Variants in STK3 observed in about 807,000 individuals in gnomAD.
STK3 encodes serine/threonine kinase 3, also known as serine/threonine-protein kinase 3.
STK3 carries 41 observed loss-of-function variants against 58.0 expected under a neutral mutation model. The observed-to-expected ratio is 0.71, with a 90% CI of 0.55 to 0.92. The LOEUF (loss-of-function observed/expected upper bound fraction) is 0.92, where lower values mean the gene tolerates loss of function less well. STK3 is among the 40% of genes least tolerant of loss of function. STK3 has a pLI of 0.00. For missense variants in STK3, 479 were observed against 602.7 expected, an observed-to-expected ratio of 0.79 and a Z score of 2.15; for synonymous variants, 170 against 191.0, an observed-to-expected ratio of 0.89 and a Z score of 0.91.
At chr8:98,835,790 T>C (rs1451904598) in intron 3 of STK3, among the ~76,000 whole-genome samples, 3 of 152,188 alleles carry the variant, frequency 2.0e-5, no homozygotes, top group Admixed American at 1.3e-4. Flanking sequence ...ATCTCAATCC[T>C]GGGGGGCCTC....
intron 10 of STK3, among the ~76,000 whole-genome samples, chr8:98,484,398 C>T (rs1258090244): frequency 2.0e-5 from 3 of 151,828 alleles, no homozygotes; most frequent in African/African-American, 7.3e-5. Context: ...CAAACAATAC[C>T]AATATAAAAA....
At chr8:98,771,575 T>C (rs1831318305) in intron 2 of STK3, among the ~76,000 whole-genome samples, 1 of 152,158 alleles carries the variant, frequency 6.6e-6, no homozygotes. Flanking sequence ...ACGTATCTTT[T>C]TTTTTTTGAG....
rs182680642 is a variant in STK3 at position 98,694,954 on chromosome 8, T to G, written c.684+11513A>C. On this transcript the variant is annotated intron_variant, in intron 6 of 10. Transcript: ENST00000419617. ...GACTTCCACAATGGTTGAACTAGTTTACAGTCCCATCAACAGTGCAAAAGT... is the reference window on the plus strand; with the variant it reads ...GACTTCCACAATGGTTGAACTAGTTGACAGTCCCATCAACAGTGCAAAAGT... 4.3e-4 allele frequency among the ~76,000 whole-genome samples: 65 copies of G among 152,346 alleles called. No individual in the cohort carries two copies. In the Middle Eastern group the frequency reaches 0.01, roughly 24 times the overall value.
intron 3 of STK3, among the ~76,000 whole-genome samples, chr8:98,851,810 T>C (rs928047225): frequency 1.3e-5 from 2 of 152,124 alleles, no homozygotes; most frequent in African/African-American, 4.8e-5. Flanking sequence ...TGAAGATACC[T>C]TGTCTTTACA....
At chr8:98,524,228 G>A (rs1825588380) in intron 10 of STK3, among the ~76,000 whole-genome samples, 3 of 152,208 alleles carry the variant, frequency 2.0e-5, no homozygotes, top group Non-Finnish European at 4.4e-5. Context: ...CTTTCTGACA[G>A]TACCACACTG....
At chr8:98,489,316 A>G (rs1306708813) in intron 10 of STK3, among the ~76,000 whole-genome samples, 1 of 152,150 alleles carries the variant, frequency 6.6e-6, no homozygotes, top group Non-Finnish European at 1.5e-5. Context: ...CATGTTCTCT[A>G]CATGCCTTCC....
At chr8:98,425,880 G>C (rs945096442) in intron 3 of STK3, among the ~76,000 whole-genome samples, 1 of 152,306 alleles carries the variant, frequency 6.6e-6, no homozygotes, top group African/African-American at 2.4e-5. Context: ...ACTTCTGACC[G>C]AGACATGTAG....
intron 3 of STK3, among the ~76,000 whole-genome samples, chr8:98,847,440 C>T (rs997729243): frequency 2.0e-5 from 3 of 152,142 alleles, no homozygotes; most frequent in South Asian, 2.1e-4. Flanking sequence ...ATTTTGAACC[C>T]GAACCCACAG....
chr8:98,528,470 G>C (rs981119499), intron 9 of STK3, among the ~76,000 whole-genome samples: 3 of 151,974 alleles, frequency 2.0e-5, no homozygotes, highest in Non-Finnish European at 2.9e-5. Context: ...CAAATAGAAA[G>C]TAAGCTACTT....
At chr8:98,637,043 A>G (rs1158713171) in intron 6 of STK3, among the ~76,000 whole-genome samples, 2 of 150,896 alleles carry the variant, frequency 1.3e-5, no homozygotes, top group Admixed American at 1.3e-4. Context: ...CTTAATATAC[A>G]TCATTTGTAA....
At chr8:98,636,637 A>G (rs1233462154) in intron 6 of STK3, among the ~76,000 whole-genome samples, 1 of 152,186 alleles carries the variant, frequency 6.6e-6, no homozygotes, top group Non-Finnish European at 1.5e-5. Context: ...TAGTTATTGT[A>G]CTGGCAGTGT....
At chr8:98,904,996 G>A (rs1838833832) in intron 1 of STK3, 1 of 757,852 alleles carries the variant, frequency 1.3e-6, no homozygotes, top group Non-Finnish European at 2.4e-6. Context: ...ACCCAGTATC[G>A]CTTATAGTAG....
chr8:98,542,246 T>C (rs1030171519), intron 9 of STK3, among the ~76,000 whole-genome samples: 1 of 152,204 alleles, frequency 6.6e-6, no homozygotes, highest in Admixed American at 6.5e-5. Flanking sequence ...AATGTACTTT[T>C]ATACTTCCAT....
chr8:98,652,187 A>G (rs1356840713), intron 6 of STK3, among the ~76,000 whole-genome samples: 3 of 152,244 alleles, frequency 2.0e-5, no homozygotes, highest in Non-Finnish European at 4.4e-5. Flanking sequence ...CAAGATTATT[A>G]AAGAAAAGAA....
intron 3 of STK3, among the ~76,000 whole-genome samples, chr8:98,869,425 A>C (rs377151338): frequency 6.6e-6 from 1 of 152,176 alleles, no homozygotes; most frequent in East Asian, 1.9e-4. Flanking sequence ...TGTCTCAAAA[A>C]ATAAATAAAT....
At chr8:98,522,677 G>A (rs997871508) in intron 10 of STK3, among the ~76,000 whole-genome samples, 1 of 152,050 alleles carries the variant, frequency 6.6e-6, no homozygotes, top group Non-Finnish European at 1.5e-5. Flanking sequence ...CTTGCAAAAC[G>A]GAAACTCTGT....
At chr8:98,694,863 C>A (rs1039688874) in intron 6 of STK3, among the ~76,000 whole-genome samples, 3 of 152,174 alleles carry the variant, frequency 2.0e-5, no homozygotes, top group African/African-American at 7.2e-5. Flanking sequence ...TGGGTATATA[C>A]CCAGTAATGG....
intron 8 of STK3, 76 bp downstream of exon 8, chr8:98,579,587 CT>C: frequency 6.7e-7 from 1 of 1,502,254 alleles, no homozygotes; most frequent in Non-Finnish European, 9.0e-7. Context: ...ACAGTAAGTG[CT>C]TTTAATATAT....
At chr8:98,792,523 C>G (rs911408536) in intron 1 of STK3, among the ~76,000 whole-genome samples, 1 of 152,052 alleles carries the variant, frequency 6.6e-6, no homozygotes, top group Admixed American at 6.6e-5. Flanking sequence ...ATGGAGAAAC[C>G]CCGCCCCTAC....
Sources: allele counts gnomAD v4.1 joint callset (sites outside exome capture counted in the v4.1 genomes callset), GRCh38; gene constraint gnomAD v4.1.1; transcripts MANE v1.5; gene names NCBI Gene and HGNC (gene_info 2026-07-23, HGNC 2026-07-21).